The following FREM3 variants were observed in gnomAD, a reference collection of about 807,000 sequenced individuals.
The protein encoded by FREM3 is FRAS1-related extracellular matrix protein 3.
A neutral mutation model predicts 129.1 loss-of-function variants in FREM3; 105 were observed. The ratio of observed to expected loss-of-function variants is 0.81; its 90% CI spans 0.69 to 0.96. The LOEUF (loss-of-function observed/expected upper bound fraction) is 0.96, where lower values mean the gene tolerates loss of function less well. Among genes scored for constraint, FREM3 ranks in the 40% least tolerant of loss-of-function variants. FREM3 has a pLI of 0.00. For synonymous variants in FREM3, 1,014 were observed against 1,044.9 expected, an observed-to-expected ratio of 0.97 and a Z score of 0.57; for missense variants, 2,593 against 2,666.3, an observed-to-expected ratio of 0.97 and a Z score of 0.61.
chr4:143,591,836 C>G (rs373220342), intron 6 of FREM3, among the ~76,000 whole-genome samples: 92 of 152,136 alleles, frequency 6.0e-4, no homozygotes, highest in African/African-American at 1.3e-3. Flanking sequence ...TGTTGACAGT[C>G]GGGTGTTAAA....
intron 2 of FREM3, among the ~76,000 whole-genome samples, chr4:143,661,857 G>A (rs1299641288): frequency 3.2e-4 from 48 of 152,170 alleles, no homozygotes; most frequent in Non-Finnish European, 5.0e-4. Flanking sequence ...TTTCTTCTAG[G>A]TTTTCTAGTT....
At chr4:143,630,630 C>T (rs1739119045) in intron 2 of FREM3, among the ~76,000 whole-genome samples, 1 of 152,156 alleles carries the variant, frequency 6.6e-6, no homozygotes, top group Non-Finnish European at 1.5e-5. Flanking sequence ...TCAATGCTTT[C>T]TGTGACCACA....
At chr4:143,688,389 G>A (rs970094868) in intron 2 of FREM3, among the ~76,000 whole-genome samples, 2 of 152,128 alleles carry the variant, frequency 1.3e-5, no homozygotes, top group African/African-American at 4.8e-5. Context: ...ACAAACAAAT[G>A]GAAACACATC....
intron 2 of FREM3, among the ~76,000 whole-genome samples, chr4:143,643,823 T>C (rs1286451447): frequency 6.6e-6 from 1 of 152,132 alleles, no homozygotes; most frequent in Non-Finnish European, 1.5e-5. Context: ...TTTTGAATGT[T>C]CTCACCACAA....
chr4:143,584,325 C>T (rs1368442268), intron 7 of FREM3, among the ~76,000 whole-genome samples: 3 of 148,564 alleles, frequency 2.0e-5, no homozygotes, highest in South Asian at 2.1e-4. Context: ...AGGAGAATGG[C>T]GTGAACCCGG....
In FREM3 at chr4:143,699,986, C is replaced by T; in HGVS notation, c.690G>A (p.Val230=). Residue 230 remains valine (V), a synonymous_variant, in exon 1 of 8, where the codon GTG becomes GTA. Transcript: ENST00000329798. The surrounding 1 kb of genome is among the most constrained non-coding windows in gnomAD (Gnocchi z 4.2). ...LPKYGRLVDA[V]GAPLPRGKGV... ...CCTTGCCCCTGGGGAGAGGGGCCCC[C>T]ACCGCGTCCACCAAGCGCCCGTACT... 1 of 1,500,876 alleles carries T rather than the reference C, an allele frequency of 6.7e-7. No individual in the cohort carries two copies. Among genetic ancestry groups the T allele is most frequent in the Non-Finnish European group, 8.9e-7 (1 of 1,126,622 alleles). The allele number at this position is 1,500,876 out of a possible 1,614,324, so 93.0% of individuals were successfully genotyped here. A position where few individuals can be genotyped will look rare whatever the true frequency, so the allele number is the denominator to read the frequency against.
chr4:143,598,116 A>T (rs1447219969), intron 6 of FREM3, among the ~76,000 whole-genome samples: 1 of 152,128 alleles, frequency 6.6e-6, no homozygotes, highest in Non-Finnish European at 1.5e-5. Flanking sequence ...TAATGCTATC[A>T]CCTTGGAGGT....
intron 2 of FREM3, among the ~76,000 whole-genome samples, chr4:143,684,256 C>T (rs1281929626): frequency 6.6e-6 from 1 of 152,138 alleles, no homozygotes; most frequent in African/African-American, 2.4e-5. Context: ...GAGTCCATTG[C>T]ACCCCCCACC....
At chr4:143,647,680 G>A (rs917599727) in intron 2 of FREM3, among the ~76,000 whole-genome samples, 1 of 152,180 alleles carries the variant, frequency 6.6e-6, no homozygotes, top group Non-Finnish European at 1.5e-5. Flanking sequence ...GGGCTTGTGG[G>A]TGCACTGAAG....
intron 2 of FREM3, among the ~76,000 whole-genome samples, chr4:143,633,000 G>A (rs974130557): frequency 7.2e-5 from 11 of 152,154 alleles, no homozygotes; most frequent in African/African-American, 2.7e-4. Flanking sequence ...TTGTCACTTA[G>A]GCTTTGCCAA....
intron 3 of FREM3, among the ~76,000 whole-genome samples, chr4:143,627,143 T>C (rs1267467412): frequency 1.3e-5 from 2 of 152,160 alleles, no homozygotes; most frequent in East Asian, 1.9e-4. Flanking sequence ...ACACCGTACA[T>C]GTCCTCAAGG....
chr4:143,594,735 G>A (rs2132935), intron 6 of FREM3, among the ~76,000 whole-genome samples: 40,383 of 152,004 alleles, frequency 0.27, 6,826 homozygotes, highest in East Asian at 0.77. Context: ...TGAGAGGAGG[G>A]TAGTGTCACT....
intron 2 of FREM3, among the ~76,000 whole-genome samples, chr4:143,637,831 C>G (rs1445016059): frequency 6.6e-6 from 1 of 152,098 alleles, no homozygotes; most frequent in Non-Finnish European, 1.5e-5. Flanking sequence ...ACAGACAATG[C>G]TCTTAAATCC....
At chr4:143,685,740 A>G (rs1740352262) in intron 2 of FREM3, among the ~76,000 whole-genome samples, 1 of 152,166 alleles carries the variant, frequency 6.6e-6, no homozygotes, top group Non-Finnish European at 1.5e-5. Context: ...AGCTTCATCC[A>G]TGTCCAAACT....
chr4:143,580,412 A>G (rs1738110151), intron 7 of FREM3, among the ~76,000 whole-genome samples: 1 of 152,036 alleles, frequency 6.6e-6, no homozygotes, highest in African/African-American at 2.4e-5. Context: ...GGCTCTGGAA[A>G]TCCCCCATGA....
In FREM3 at chr4:143,624,150, AC is replaced by A. The variant is rs1211976456; in HGVS notation, c.5610del (p.Glu1870AspfsTer11). On this transcript the variant is annotated frameshift_variant, in exon 4 of 8. Coordinates refer to ENST00000329798, the MANE Select transcript of FREM3 (RefSeq NM_001168235.2). LOFTEE classifies it high-confidence loss of function. Reference sequence around the variant, plus strand: ...ATTTCAACCGTTGCCATTTCTGGAAACTCCAGTACAGCCATGAGAGGTTCAG... The same window carrying A: ...ATTTCAACCGTTGCCATTTCTGGAAATCCAGTACAGCCATGAGAGGTTCAG... ...ILSEPLMAVL[E>X]FPEMATVEIV... is the part of the protein sequence containing the mutation. The A allele has an allele frequency of 8.5e-6, 13 of 1,536,730 alleles. No homozygotes were observed. The African/African-American group carries it at 1.6e-4, about 19-fold the overall frequency.
intron 6 of FREM3, among the ~76,000 whole-genome samples, chr4:143,604,782 C>T (rs766475353): frequency 2.6e-5 from 4 of 152,112 alleles, no homozygotes; most frequent in Non-Finnish European, 4.4e-5. Context: ...TTAAGCTTAG[C>T]AATGTGCTTG....
Position 143,693,158 on chromosome 4 carries a change from T to C in FREM3, c.5230A>G (p.Ser1744Gly). ...TAGAAGATGTCCTTTGATGCGTTGC[T>C]GCCCTCATTCAAGACATAGGATATC... ...MKISYVLNEG[S>G]NASKDIFYFS... The change falls in exon 2 of 8, where the codon AGC becomes GGC. Residue 1744 changes from serine to glycine, a missense_variant. Physicochemically the swap from Ser to Gly is moderately conservative, Grantham distance 56. Coordinates refer to ENST00000329798, the MANE Select transcript of FREM3 (RefSeq NM_001168235.2). 6.6e-7 allele frequency: 1 copy of C among 1,524,318 alleles called. No individual in the cohort carries two copies. Among genetic ancestry groups the C allele is most frequent in the Non-Finnish European group, 8.8e-7 (1 of 1,139,682 alleles). The allele number at this position is 1,524,318 out of a possible 1,614,324, so 94.4% of individuals were successfully genotyped here. A position where few individuals can be genotyped will look rare whatever the true frequency, so the allele number is the denominator to read the frequency against.
intron 2 of FREM3, among the ~76,000 whole-genome samples, chr4:143,670,626 C>G (rs1368732215): frequency 1.3e-5 from 2 of 152,030 alleles, no homozygotes; most frequent in Middle Eastern, 3.2e-3. Flanking sequence ...TATTTAGCAA[C>G]TGGAAAATGA....
Sources: allele counts gnomAD v4.1 joint callset (sites outside exome capture counted in the v4.1 genomes callset), GRCh38; gene constraint gnomAD v4.1.1; non-coding constraint Gnocchi (gnomAD v3.1); transcripts MANE v1.5; gene names NCBI Gene and HGNC (gene_info 2026-07-23, HGNC 2026-07-21).